SLC44A1: variants seen among roughly 807,000 people sequenced by gnomAD.
The protein encoded by SLC44A1 is solute carrier family 44 member 1.
SLC44A1 carries 26 observed loss-of-function variants against 79.3 expected under a neutral mutation model. That is an observed-to-expected ratio of 0.33 (90% CI 0.24 to 0.46). The LOEUF (loss-of-function observed/expected upper bound fraction) is 0.46, where lower values mean the gene tolerates loss of function less well. Among genes scored for constraint, SLC44A1 ranks in the 20% least tolerant of loss-of-function variants. The probability of loss-of-function intolerance (pLI) is 1.00; values close to 1 mark genes in which losing one functional copy is unlikely to be tolerated. For missense variants in SLC44A1, 688 were observed against 798.1 expected (o/e 0.86, Z 1.66); for synonymous variants, 263 against 286.2 (o/e 0.92, Z 0.82).
At chr9:105,328,661 A>T (rs1826657231) in intron 3 of SLC44A1, among the ~76,000 whole-genome samples, 1 of 152,228 alleles carries the variant, frequency 6.6e-6, no homozygotes, top group African/African-American at 2.4e-5. Flanking sequence ...AAGGGCCATG[A>T]AAGTTTCTCT....
At chr9:105,387,751 C>T (rs1335442117) in intron 15 of SLC44A1, among the ~76,000 whole-genome samples, 2 of 152,036 alleles carry the variant, frequency 1.3e-5, no homozygotes, top group Admixed American at 1.3e-4. Flanking sequence ...TGAGTTGGCA[C>T]AGATTTCTAT....
intron 1 of SLC44A1, among the ~76,000 whole-genome samples, chr9:105,247,582 C>T (rs1829488013): frequency 6.6e-6 from 1 of 152,198 alleles, no homozygotes; most frequent in Non-Finnish European, 1.5e-5. Context: ...CAGACATGAG[C>T]CACCGCTCCC....
intron 15 of SLC44A1, among the ~76,000 whole-genome samples, chr9:105,420,717 C>T (rs1449840088): frequency 1.3e-5 from 2 of 151,790 alleles, no homozygotes; most frequent in Non-Finnish European, 2.9e-5. Context: ...CAAAATTAGC[C>T]GGGCGTGGTG....
chr9:105,365,411 C>CT lies in SLC44A1; in HGVS notation c.1254-71dup, dbSNP rs548059003. On this transcript the variant is annotated intron_variant, in intron 10 of 15. Coordinates refer to ENST00000374720, the MANE Select transcript of SLC44A1 (RefSeq NM_080546.5). ...ATTTTTTTTTTCACTGCGTTGGACT[C>CT]TAAACCATACCTGTGTTTCCATCCT... 591 of 1,265,712 alleles carry CT rather than the reference C, an allele frequency of 4.7e-4. 2 individuals are homozygous for CT. The highest frequency in any genetic ancestry group is 3.9e-3 in the Middle Eastern group (14 of 3,588). 78.4% of individuals were successfully genotyped at this position (1,265,712 alleles called of 1,614,324 possible). A position where few individuals can be genotyped will look rare whatever the true frequency, so the allele number is the denominator to read the frequency against.
rs1828866847 is a variant in SLC44A1 at position 105,395,909 on chromosome 9, T to A, written c.*6853T>A. 1.0e-6 allele frequency: 1 copy of A among 984,902 alleles called. No individual in the cohort carries two copies. The highest frequency in any genetic ancestry group is 6.2e-5 in the Admixed American group (1 of 16,246). The allele number at this position is 984,902 out of a possible 1,614,324, so 61.0% of individuals were successfully genotyped here. A position where few individuals can be genotyped will look rare whatever the true frequency, so the allele number is the denominator to read the frequency against. ...TAATCCGGTGGTGACTTTTTTTTTT[T>A]TTTTGTAAATTGTATTAGATACCCC... On this transcript the variant is annotated 3_prime_UTR_variant, in exon 16 of 16. Coordinates refer to ENST00000374720, the MANE Select transcript of SLC44A1 (RefSeq NM_080546.5).
chr9:105,424,896 G>A (rs879729449), intron 15 of SLC44A1, among the ~76,000 whole-genome samples: 8 of 148,402 alleles, frequency 5.4e-5, no homozygotes, highest in African/African-American at 1.3e-4. Flanking sequence ...GCAGTGAGCC[G>A]AGGTCAGACC....
At chr9:105,382,282 C>G (rs534856500) in intron 13 of SLC44A1, among the ~76,000 whole-genome samples, 1 of 152,134 alleles carries the variant, frequency 6.6e-6, no homozygotes, top group African/African-American at 2.4e-5. Flanking sequence ...TATTGAAAAG[C>G]TGGAATAAAA....
intron 3 of SLC44A1, among the ~76,000 whole-genome samples, chr9:105,328,835 G>A (rs60502553): frequency 0.11 from 16,630 of 152,114 alleles, 2,368 homozygotes; most frequent in African/African-American, 0.33. Flanking sequence ...CCTCTTCCTA[G>A]TTAGGATTGA....
intron 15 of SLC44A1, among the ~76,000 whole-genome samples, chr9:105,429,036 C>G (rs998767414): frequency 2.0e-5 from 3 of 152,198 alleles, no homozygotes; most frequent in South Asian, 4.1e-4. Context: ...TTCGGATATT[C>G]TTGAATGGTG....
rs760203279 is a variant in SLC44A1 at position 105,374,586 on chromosome 9, G to A, written c.1495-12G>A. On this transcript the variant is annotated splice_polypyrimidine_tract_variant and intron_variant, in intron 12 of 15. Coordinates refer to ENST00000374720, the MANE Select transcript of SLC44A1 (RefSeq NM_080546.5). ...AATTGTTGACGAAAATGTTGTTTTTGCTTTTGTCCAGAATGCATACACAGC... is the reference window on the plus strand; with the variant it reads ...AATTGTTGACGAAAATGTTGTTTTTACTTTTGTCCAGAATGCATACACAGC... 2 of 1,596,470 alleles carry A rather than the reference G, an allele frequency of 1.3e-6. No homozygotes were observed. The highest frequency in any genetic ancestry group is 2.2e-5 in the East Asian group (1 of 44,666).
chr9:105,432,504 G>A (rs926437561), intron 15 of SLC44A1, among the ~76,000 whole-genome samples: 1 of 152,238 alleles, frequency 6.6e-6, no homozygotes, highest in African/African-American at 2.4e-5. Flanking sequence ...AAGAAGGGAA[G>A]CAGAGACAAT....
chr9:105,358,420 A>G lies in SLC44A1; in HGVS notation c.747A>G (p.Ile249Met), dbSNP rs748324870. The G allele has an allele frequency of 1.3e-6, 2 of 1,571,346 alleles. No homozygotes were observed. Among genetic ancestry groups the G allele is most frequent in the Non-Finnish European group, 1.8e-6 (2 of 1,141,664 alleles). ...VLVWILTILVILGSLGGTGVL... is the reference protein window; with the variant it reads ...VLVWILTILVMLGSLGGTGVL... ...TGTGGATCTTAACGATTCTGGTCAT[A>G]CTCGGTTCACTTGGTAAGCTATTTA... Residue 249 changes from isoleucine to methionine, a missense_variant, in exon 7 of 16, where the codon ATA becomes ATG. By Grantham distance (10) the Ile-to-Met change is conservative. Transcript: ENST00000374720.
At chr9:105,250,928 A>T (rs958788937) in intron 1 of SLC44A1, among the ~76,000 whole-genome samples, 1 of 152,102 alleles carries the variant, frequency 6.6e-6, no homozygotes, top group African/African-American at 2.4e-5. Context: ...CCATAATAGT[A>T]CACCCAGAGT....
At chr9:105,317,099 T>C (rs1409611605) in intron 3 of SLC44A1, among the ~76,000 whole-genome samples, 6 of 152,174 alleles carry the variant, frequency 3.9e-5, no homozygotes, top group Non-Finnish European at 8.8e-5. Context: ...AGGACTGAGT[T>C]CCTATCTCCT....
chr9:105,335,275 G>A (rs1251466244), intron 3 of SLC44A1, among the ~76,000 whole-genome samples: 2 of 151,942 alleles, frequency 1.3e-5, no homozygotes, highest in Non-Finnish European at 2.9e-5. Context: ...AAAAATTAAT[G>A]ATTTGAAGAA....
At chr9:105,272,570 A>C (rs1156513231) in intron 1 of SLC44A1, among the ~76,000 whole-genome samples, 1 of 151,896 alleles carries the variant, frequency 6.6e-6, no homozygotes, top group Non-Finnish European at 1.5e-5. Flanking sequence ...AAAAAGCCGT[A>C]TGTATTAGGT....
intron 15 of SLC44A1, among the ~76,000 whole-genome samples, chr9:105,436,769 C>A (rs1829468571): frequency 6.6e-6 from 1 of 152,128 alleles, no homozygotes. Context: ...GCCGGGGGAT[C>A]AGCAATAAGT....
chr9:105,427,297 A>G (rs1829335943), intron 15 of SLC44A1, among the ~76,000 whole-genome samples: 1 of 151,984 alleles, frequency 6.6e-6, no homozygotes, highest in Non-Finnish European at 1.5e-5. Flanking sequence ...TGAAAGCAGG[A>G]CCAAGTTATA....
At chr9:105,361,050 G>A (rs559634220) in intron 7 of SLC44A1, 141 bp from the exon 8 acceptor site, 15 of 775,016 alleles carry the variant, frequency 1.9e-5, no homozygotes, top group Middle Eastern at 3.1e-4. Flanking sequence ...AAAAGTTATA[G>A]CTATGTACTT....
Sources: gnomAD v4.1 joint callset for allele counts (sites outside exome capture counted in the v4.1 genomes callset) on GRCh38, gnomAD v4.1.1 for gene constraint, MANE v1.5 for transcripts, NCBI Gene and HGNC (gene_info 2026-07-23, HGNC 2026-07-21) for gene names.